Variants in PHF3 observed in about 807,000 individuals in gnomAD.
PHF3 encodes PHD finger protein 3.
A neutral mutation model predicts 178.4 loss-of-function variants in PHF3; 41 were observed. That is an observed-to-expected ratio of 0.23 (90% CI 0.18 to 0.30). The LOEUF is 0.30. Ranked by LOEUF, PHF3 falls within the 10% of genes least tolerant of loss-of-function variation. The pLI, the probability that PHF3 is intolerant of heterozygous loss-of-function variation, is 1.00. For synonymous variants in PHF3, 842 were observed against 800.5 expected (o/e 1.05, Z -0.88); for missense variants, 2,346 against 2,398.1 (o/e 0.98, Z 0.45).
chr6:63,665,568 C>A (rs372609272), intron 2 of PHF3, among the ~76,000 whole-genome samples: 1 of 142,872 alleles, frequency 7.0e-6, no homozygotes, highest in East Asian at 2.1e-4. Context: ...CTCACTGCAA[C>A]CTCCGCCTCC....
In PHF3 at chr6:63,713,167, A is replaced by G. The variant is rs1336508599; in HGVS notation, c.5579A>G (p.His1860Arg). The G allele has an allele frequency of 1.5e-5, 24 of 1,613,866 alleles. No homozygotes were observed. Among genetic ancestry groups the G allele is most frequent in the East Asian group, 2.2e-5 (1 of 44,870 alleles). The change falls in exon 16 of 16, where the codon CAT (histidine) becomes CGT (arginine). Residue 1860 changes from histidine to arginine, a missense_variant. His to Arg is a conservative substitution (Grantham distance 29). Coordinates refer to ENST00000262043, the MANE Select transcript of PHF3 (RefSeq NM_001370348.2). ...ATGGTTCCCTGGCCACCTGTTGTTC[A>G]TCTCCCAGGTCAGCCACAGCGTATG... ...NPMVPWPPVV[H>R]LPGQPQRMMG...
intron 1 of PHF3, among the ~76,000 whole-genome samples, chr6:63,645,145 T>A (rs1186088342): frequency 6.6e-6 from 1 of 152,060 alleles, no homozygotes. Context: ...CCCGAAGTGC[T>A]AGGAATACAG....
At position 63,721,361 on chromosome 6, in the gene PHF3, A is replaced by G. The variant is rs1371323147; in HGVS notation, c.*7653A>G. The G allele has an allele frequency of 1.3e-6, 2 of 1,551,790 alleles. No individual in the cohort carries two copies. The highest frequency in any genetic ancestry group is 2.7e-5 in the African/African-American group (2 of 73,042). On this transcript the variant is annotated 3_prime_UTR_variant, in exon 16 of 16. Coordinates refer to ENST00000262043, the MANE Select transcript of PHF3 (RefSeq NM_001370348.2). ...AAGAAAAAGTTGTGCCATTTACTGT[A>G]CATTCACCTCCATTTCTGCATGTGT...
chr6:63,686,332 T>C (rs1304816666), intron 4 of PHF3: 1 of 157,858 alleles, frequency 6.3e-6, no homozygotes, highest in Non-Finnish European at 1.4e-5. Flanking sequence ...AAATTCTATT[T>C]TTCTTTTGAA....
At chr6:63,696,887 A>G (rs1406716693) in intron 6 of PHF3, among the ~76,000 whole-genome samples, 1 of 152,226 alleles carries the variant, frequency 6.6e-6, no homozygotes, top group Non-Finnish European at 1.5e-5. Flanking sequence ...GTAGTGGCTT[A>G]TGAATGAATG....
chr6:63,646,881 T>TTTA, intron 2 of PHF3, 86 bp downstream of exon 2: 2 of 1,031,766 alleles, frequency 1.9e-6, no homozygotes, highest in Non-Finnish European at 2.5e-6. Context: ...TTTTTCTTTT[T>TTTA]TTCTTTTTTT....
rs745669369 is a variant in PHF3 at position 63,722,146 on chromosome 6, A to G, written c.*8438A>G. 1.5e-4 allele frequency among the ~76,000 whole-genome samples: 23 copies of G among 152,106 alleles called. No individual in the cohort carries two copies. Among genetic ancestry groups the G allele is most frequent in the Non-Finnish European group, 3.2e-4 (22 of 68,010 alleles). ...CTATTGTCAGGCTAGGTACCTATAA[A>G]TTCTCTGCACATTCCTGGCTCCTTT... On this transcript the variant is annotated 3_prime_UTR_variant, in exon 16 of 16. Coordinates refer to ENST00000262043, the MANE Select transcript of PHF3 (RefSeq NM_001370348.2).
At chr6:63,673,534 C>T (rs1766016998) in intron 2 of PHF3, among the ~76,000 whole-genome samples, 1 of 152,212 alleles carries the variant, frequency 6.6e-6, no homozygotes, top group African/African-American at 2.4e-5. Flanking sequence ...TCACTTCTGT[C>T]AGCCTCTTGT....
intron 13 of PHF3, among the ~76,000 whole-genome samples, chr6:63,707,848 T>TTTGTTC (rs1446016428): frequency 3.7e-3 from 3 of 816 alleles, no homozygotes; most frequent in Non-Finnish European, 0.016. Context: ...CAGTTGTGGG[T>TTTGTTC]TTGTTTTTGT....
rs149187487 is a variant in PHF3 at position 63,647,865 on chromosome 6, C to T, written c.244+1070C>T. On this transcript the variant is annotated intron_variant, in intron 2 of 15. Coordinates refer to ENST00000262043, the MANE Select transcript of PHF3 (RefSeq NM_001370348.2). ...ACAGTAAGGTTTTCCCTCACCATTC[C>T]CTAGAGTAAATAGTTCTCAGGTTTA... Among the ~76,000 whole-genome samples, 4 of 152,184 alleles carry T rather than the reference C, an allele frequency of 2.6e-5. No homozygotes were observed. The East Asian group carries it at 7.7e-4, about 29-fold the overall frequency.
chr6:63,711,071 A>T (rs1767906067), intron 14 of PHF3, 96 bp from the exon 15 acceptor site: 2 of 795,000 alleles, frequency 2.5e-6, no homozygotes, highest in Non-Finnish European at 3.7e-6. Flanking sequence ...ATCATTATAA[A>T]GTTCAATAGA....
chr6:63,649,194 T>C (rs1001912092), intron 2 of PHF3, among the ~76,000 whole-genome samples: 1 of 152,096 alleles, frequency 6.6e-6, no homozygotes, highest in Non-Finnish European at 1.5e-5. Flanking sequence ...TCCTCCGGCC[T>C]ATGTCTCACA....
At chr6:63,653,157 T>G (rs1765091921) in intron 2 of PHF3, among the ~76,000 whole-genome samples, 1 of 151,202 alleles carries the variant, frequency 6.6e-6, no homozygotes, top group Non-Finnish European at 1.5e-5. Context: ...TTGGCTAGTT[T>G]TTTTTTTTTG....
rs78885919 is a variant in PHF3, at chr6:63,714,779, C to T, written c.*1071C>T. The T allele has an allele frequency of 5.3e-5, 8 of 151,744 alleles. No individual in the cohort carries two copies. The highest frequency in any genetic ancestry group is 1.5e-4 in the African/African-American group (6 of 41,294). 9.4% of individuals were successfully genotyped at this position (151,744 alleles called of 1,614,324 possible). A position where few individuals can be genotyped will look rare whatever the true frequency, so the allele number is the denominator to read the frequency against. On this transcript the variant is annotated 3_prime_UTR_variant, in exon 16 of 16. Coordinates refer to ENST00000262043, the MANE Select transcript of PHF3 (RefSeq NM_001370348.2). ...CACTAATCATTAAAATTAAAGACCG[C>T]AGAACTTGAAGAGAAATATGTTTTG...
chr6:63,716,589 G>C lies in PHF3; in HGVS notation c.*2881G>C, dbSNP rs991107496. 6.6e-6 allele frequency among the ~76,000 whole-genome samples: 1 copy of C among 152,116 alleles called. No homozygotes were observed. On this transcript the variant is annotated 3_prime_UTR_variant, in exon 16 of 16. Transcript: ENST00000262043. ...CAAATTTATGATCTTACGGTTCTGT[G>C]GATCAGAAGTCTGTGCAGATCTCAC... is the stretch of plus-strand genomic sequence containing the variant.
chr6:63,666,332 C>T (rs1275082753), intron 2 of PHF3, among the ~76,000 whole-genome samples: 2 of 151,976 alleles, frequency 1.3e-5, no homozygotes, highest in Non-Finnish European at 2.9e-5. Flanking sequence ...ACTCTGGGTA[C>T]TGACATTATT....
chr6:63,664,555 A>G (rs1765599740), intron 2 of PHF3, among the ~76,000 whole-genome samples: 1 of 152,162 alleles, frequency 6.6e-6, no homozygotes, highest in Non-Finnish European at 1.5e-5. Flanking sequence ...TACTGTATTA[A>G]TGTATTTTGT....
At chr6:63,711,441 T>A in intron 15 of PHF3, 79 bp downstream of exon 15, 1 of 1,378,214 alleles carries the variant, frequency 7.3e-7, no homozygotes, top group Non-Finnish European at 9.9e-7. Context: ...TGATTCTGCC[T>A]TCTTTCTCAG....
chr6:63,712,025 A>G lies in PHF3; in HGVS notation c.4437A>G (p.Gln1479=), dbSNP rs773121129. The G allele has an allele frequency of 6.2e-7, 1 of 1,613,578 alleles. No individual in the cohort carries two copies. Among genetic ancestry groups the G allele is most frequent in the Admixed American group, 1.7e-5 (1 of 59,972 alleles). Residue 1479 remains glutamine, a synonymous_variant, in exon 16 of 16, where the codon CAA becomes CAG. Coordinates refer to ENST00000262043, the MANE Select transcript of PHF3 (RefSeq NM_001370348.2). ...ILQSLLGTTG[Q]VYDQAQSVME... ...AAAGCCTTTTGGGCACCACTGGTCAAGTATATGACCAGGCCCAGTCAGTGA... is the reference window on the plus strand; with the variant it reads ...AAAGCCTTTTGGGCACCACTGGTCAGGTATATGACCAGGCCCAGTCAGTGA...
Sources: allele counts gnomAD v4.1 joint callset (sites outside exome capture counted in the v4.1 genomes callset), GRCh38; gene constraint gnomAD v4.1.1; transcripts MANE v1.5; gene names NCBI Gene and HGNC (gene_info 2026-07-23, HGNC 2026-07-21).